AKT3: variants seen among roughly 807,000 people sequenced by gnomAD.
The protein encoded by AKT3 is AKT serine/threonine kinase 3, also known as RAC-gamma serine/threonine-protein kinase.
Under a neutral mutation model 65.3 loss-of-function variants are expected in AKT3, and 15 were observed. The ratio of observed to expected loss-of-function variants is 0.23; its 90% CI spans 0.15 to 0.35. The LOEUF is 0.35. AKT3 is among the 10% of genes least tolerant of loss of function. The pLI is 1.00. For synonymous variants in AKT3, 206 were observed against 183.8 expected (o/e 1.12, Z -0.98); for missense variants, 243 against 576.5 (o/e 0.42, Z 5.92).
intron 12 of AKT3, among the ~76,000 whole-genome samples, chr1:243,519,385 CAGG>C (rs1194414758): frequency 6.6e-6 from 1 of 152,108 alleles, no homozygotes; most frequent in Non-Finnish European, 1.5e-5. Flanking sequence ...AGAATTGTAA[CAGG>C]AGATGAAACA....
rs186248745 is a variant in AKT3 at position 243,617,686 on chromosome 1, T to C, written c.562-2525A>G. Among the ~76,000 whole-genome samples, 145 of 152,106 alleles carry C rather than the reference T, an allele frequency of 9.5e-4. 1 individual carries two copies. The highest frequency in any genetic ancestry group is 7.7e-4 in the African/African-American group (32 of 41,516). ...TTGGGTATTGTGATGGTGTGGGACA[T>C]AGAGAAAGTGATGGGGTGGGGGTGA... is the stretch of plus-strand genomic sequence containing the variant. On this transcript the variant is annotated intron_variant, in intron 6 of 13. Coordinates refer to ENST00000673466, the MANE Select transcript of AKT3 (RefSeq NM_005465.7).
intron 1 of AKT3, among the ~76,000 whole-genome samples, chr1:243,848,429 G>A (rs551852898): frequency 3.2e-4 from 48 of 152,176 alleles, no homozygotes; most frequent in Admixed American, 1.4e-3. Context: ...AACCACCCCC[G>A]GAATGTTTGT....
chr1:243,585,412 A>G (rs1278979205), intron 8 of AKT3, among the ~76,000 whole-genome samples: 1 of 152,134 alleles, frequency 6.6e-6, no homozygotes, highest in Non-Finnish European at 1.5e-5. Flanking sequence ...CAAGAAACCA[A>G]AAAAGAGCCA....
chr1:243,818,104 C>A (rs1429634302), intron 2 of AKT3: 1 of 152,156 alleles, frequency 6.6e-6, no homozygotes, highest in Non-Finnish European at 1.5e-5. Context: ...TGGATCACTC[C>A]CCTAACTTTC....
intron 12 of AKT3, among the ~76,000 whole-genome samples, chr1:243,527,893 A>AAG (rs1387576413): frequency 9.7e-6 from 1 of 103,010 alleles, no homozygotes; most frequent in African/African-American, 4.4e-5. Context: ...ACACACACAC[A>AAG]CACACACACA....
At chr1:243,660,474 A>C (rs1420968986) in intron 4 of AKT3, among the ~76,000 whole-genome samples, 1 of 152,250 alleles carries the variant, frequency 6.6e-6, no homozygotes, top group Admixed American at 6.5e-5. Flanking sequence ...TGATTATCTC[A>C]ATAGATGCAG....
chr1:243,709,116 T>C (rs1685988842), intron 2 of AKT3, among the ~76,000 whole-genome samples: 1 of 151,734 alleles, frequency 6.6e-6, no homozygotes, highest in African/African-American at 2.4e-5. Context: ...TACAAAACAC[T>C]GAGTAACTTA....
chr1:243,610,765 CA>C (rs1462593789), intron 8 of AKT3, among the ~76,000 whole-genome samples: 6 of 152,218 alleles, frequency 3.9e-5, no homozygotes, highest in African/African-American at 7.2e-5. Flanking sequence ...GATCAATAGA[CA>C]AACATATATA....
In AKT3 at chr1:243,820,707, TG is replaced by T. The variant is rs574194926; in HGVS notation, c.46+22417del. Among the ~76,000 whole-genome samples the T allele has an allele frequency of 3.5e-3, 533 of 152,054 alleles. 2 individuals carry two copies. The highest frequency in any genetic ancestry group is 0.012 in the African/African-American group (515 of 41,516). On this transcript the variant is annotated intron_variant, in intron 2 of 13. Transcript: ENST00000673466. ...AAGTGGAGGAAAGAATTTCAGAGCT[TG>T]AAGACTATCTTCCCAAGATTAGAGA...
chr1:243,565,131 T>A (rs934060810), intron 9 of AKT3, among the ~76,000 whole-genome samples: 1 of 152,244 alleles, frequency 6.6e-6, no homozygotes, highest in Non-Finnish European at 1.5e-5. Flanking sequence ...AAATGCTTGA[T>A]ATACATTTCA....
intron 12 of AKT3, among the ~76,000 whole-genome samples, chr1:243,525,597 T>C (rs1037760027): frequency 6.8e-6 from 1 of 148,132 alleles, no homozygotes; most frequent in Admixed American, 6.8e-5. Context: ...TAAAAAAAAA[T>C]AAAATATCTG....
intron 8 of AKT3, among the ~76,000 whole-genome samples, chr1:243,600,510 C>A (rs1676931951): frequency 1.3e-5 from 2 of 152,070 alleles, no homozygotes. Flanking sequence ...TCGACCCACA[C>A]ATATATGACT....
chr1:243,618,059 T>G (rs1315620065), intron 6 of AKT3, among the ~76,000 whole-genome samples: 2 of 152,164 alleles, frequency 1.3e-5, no homozygotes, highest in Non-Finnish European at 2.9e-5. Flanking sequence ...GATATTCTAG[T>G]GCTTTGAATA....
intron 2 of AKT3, among the ~76,000 whole-genome samples, chr1:243,785,457 GT>G (rs111480733): frequency 0.23 from 34,490 of 149,270 alleles, 4,275 homozygotes; most frequent in East Asian, 0.32. Context: ...GAGAATCAAC[GT>G]TTTTTTTTTA....
chr1:243,831,400 T>G (rs145269533), intron 2 of AKT3, among the ~76,000 whole-genome samples: 117 of 152,226 alleles, frequency 7.7e-4, no homozygotes, highest in African/African-American at 2.5e-3. Flanking sequence ...TGTAAGACCA[T>G]GATCTGGGTA....
chr1:243,668,868 C>A (rs1186993786), intron 3 of AKT3, among the ~76,000 whole-genome samples: 1 of 151,912 alleles, frequency 6.6e-6, no homozygotes, highest in Non-Finnish European at 1.5e-5. Context: ...TGGGGATGTG[C>A]AAGACAATGA....
intron 2 of AKT3, among the ~76,000 whole-genome samples, chr1:243,718,062 T>C (rs763016734): frequency 7.2e-5 from 11 of 152,218 alleles, no homozygotes; most frequent in Non-Finnish European, 1.2e-4. Flanking sequence ...TCATTTTACA[T>C]TGGATGCTAT....
chr1:243,489,996 C>A (rs1163760630), intron 13 of AKT3, among the ~76,000 whole-genome samples: 3 of 152,224 alleles, frequency 2.0e-5, no homozygotes, highest in Non-Finnish European at 4.4e-5. Context: ...GGTCCGTGGG[C>A]TGACCAAGGC....
chr1:243,740,561 A>T (rs767771555), intron 2 of AKT3, among the ~76,000 whole-genome samples: 1 of 152,232 alleles, frequency 6.6e-6, no homozygotes, highest in Non-Finnish European at 1.5e-5. Flanking sequence ...CAAAAGGCTG[A>T]TGCCTATTTT....
Sources: gnomAD v4.1 joint callset for allele counts (sites outside exome capture counted in the v4.1 genomes callset) on GRCh38, gnomAD v4.1.1 for gene constraint, MANE v1.5 for transcripts, NCBI Gene and HGNC (gene_info 2026-07-23, HGNC 2026-07-21) for gene names.